DAB1: variants seen among roughly 807,000 people sequenced by gnomAD.
DAB1 encodes the protein disabled homolog 1.
In DAB1, 15 loss-of-function variants were observed where a neutral mutation model predicts 64.6. That is an observed-to-expected ratio of 0.23 (90% CI 0.16 to 0.36). The LOEUF is 0.36. DAB1 is among the 10% of genes least tolerant of loss of function. The probability of loss-of-function intolerance (pLI) is 1.00; values close to 1 mark genes in which losing one functional copy is unlikely to be tolerated. For synonymous variants in DAB1, 235 were observed against 251.9 expected (o/e 0.93, Z 0.64); for missense variants, 596 against 706.7 (o/e 0.84, Z 1.78).
intron 6 of DAB1, among the ~76,000 whole-genome samples, chr1:57,777,774 A>AT (rs1307921940): frequency 6.6e-6 from 1 of 151,756 alleles, no homozygotes; most frequent in Non-Finnish European, 1.5e-5. Flanking sequence ...TACTGACTTA[A>AT]TTTTTTCTGA....
intron 3 of DAB1, among the ~76,000 whole-genome samples, chr1:58,372,071 T>G (rs575845311): frequency 6.4e-4 from 97 of 152,146 alleles, no homozygotes; most frequent in Non-Finnish European, 1.2e-3. Context: ...AGAAGGCCAC[T>G]GTTCTCTGCA....
chr1:57,290,411 T>G (rs865785212), intron 2 of DAB1, among the ~76,000 whole-genome samples: 1 of 152,158 alleles, frequency 6.6e-6, no homozygotes, highest in South Asian at 2.1e-4. Flanking sequence ...AATCTGACAC[T>G]TTGAGATGAG....
chr1:57,767,503 T>C (rs976107833), intron 6 of DAB1, among the ~76,000 whole-genome samples: 2 of 152,174 alleles, frequency 1.3e-5, no homozygotes, highest in African/African-American at 4.8e-5. Flanking sequence ...TCTCACTATG[T>C]CTCTTATCTC....
intron 1 of DAB1, among the ~76,000 whole-genome samples, chr1:57,333,812 A>G (rs545751696): frequency 6.6e-6 from 1 of 152,278 alleles, no homozygotes; most frequent in South Asian, 2.1e-4. Flanking sequence ...TCTTATTATA[A>G]TCTGTGTCTA....
intron 7 of DAB1, among the ~76,000 whole-genome samples, chr1:57,608,397 A>G (rs909118449): frequency 6.6e-6 from 1 of 151,182 alleles, no homozygotes; most frequent in African/African-American, 2.4e-5. Context: ...TTAAAAAAAG[A>G]GAGAGAGAGA....
chr1:57,562,319 G>C (rs1272278458), intron 7 of DAB1, among the ~76,000 whole-genome samples: 2 of 152,244 alleles, frequency 1.3e-5, no homozygotes, highest in African/African-American at 4.8e-5. Context: ...GTTGCAATGA[G>C]CTGAGATCGT....
At chr1:57,142,775 T>C (rs1658738569) in intron 3 of DAB1, among the ~76,000 whole-genome samples, 1 of 152,114 alleles carries the variant, frequency 6.6e-6, no homozygotes, top group Non-Finnish European at 1.5e-5. Flanking sequence ...CAGCTGGCCA[T>C]TGAGGTGCTG....
chr1:57,463,450 C>T (rs909247134), intron 7 of DAB1, among the ~76,000 whole-genome samples: 3 of 152,026 alleles, frequency 2.0e-5, no homozygotes, highest in African/African-American at 7.2e-5. Flanking sequence ...TTTAGCTGTA[C>T]ATTTTGCCAT....
chr1:57,768,141 C>A (rs1228666039), intron 6 of DAB1, among the ~76,000 whole-genome samples: 1 of 140,566 alleles, frequency 7.1e-6, no homozygotes, highest in African/African-American at 2.7e-5. Flanking sequence ...CGAGCCACTG[C>A]ACTCCAGCCT....
chr1:56,997,042 G>T lies in DAB1; in HGVS notation c.*1102C>A, dbSNP rs1645653748. 6.6e-6 allele frequency: 1 copy of T among 151,834 alleles called. No individual in the cohort carries two copies. The highest frequency in any genetic ancestry group is 1.5e-5 in the Non-Finnish European group (1 of 67,976). 9.4% of individuals were successfully genotyped at this position (151,834 alleles called of 1,614,324 possible). ...ATAGAGATGAACCATTTGGACCACA[G>T]AATCAGTTTGTTATTCTGAATATTT... On this transcript the variant is annotated 3_prime_UTR_variant, in exon 15 of 15. Transcript: ENST00000371236.
intron 6 of DAB1, among the ~76,000 whole-genome samples, chr1:57,795,718 T>TATAC (rs1650823576): frequency 1.5e-5 from 2 of 134,924 alleles, no homozygotes; most frequent in South Asian, 4.7e-4. Context: ...TATATATATA[T>TATAC]ATATATATAT....
chr1:57,900,811 T>C (rs1191616158), intron 5 of DAB1, among the ~76,000 whole-genome samples: 2 of 152,172 alleles, frequency 1.3e-5, no homozygotes, highest in Non-Finnish European at 2.9e-5. Flanking sequence ...AGTACATCTC[T>C]ATCCATTTGT....
chr1:57,839,507 A>C (rs1203571960), intron 1 of DAB1, among the ~76,000 whole-genome samples: 1 of 152,346 alleles, frequency 6.6e-6, no homozygotes, highest in South Asian at 2.1e-4. Flanking sequence ...TGGCTAAAAA[A>C]CATTTATTAT....
chr1:57,377,106 C>T (rs1680959733), intron 1 of DAB1, among the ~76,000 whole-genome samples: 1 of 152,014 alleles, frequency 6.6e-6, no homozygotes, highest in Non-Finnish European at 1.5e-5. Context: ...CCCATCTCTA[C>T]TAAAAATACA....
intron 2 of DAB1, among the ~76,000 whole-genome samples, chr1:57,172,671 G>A (rs111370452): frequency 4.5e-4 from 69 of 152,204 alleles, no homozygotes; most frequent in African/African-American, 1.6e-3. Flanking sequence ...GAAAGGAAGC[G>A]ATCAGGATTG....
chr1:57,106,629 G>A (rs1489994622), intron 4 of DAB1, among the ~76,000 whole-genome samples: 1 of 152,078 alleles, frequency 6.6e-6, no homozygotes, highest in Non-Finnish European at 1.5e-5. Context: ...GGCCTTCAAA[G>A]ATTATGAAAA....
intron 5 of DAB1, among the ~76,000 whole-genome samples, chr1:58,007,004 A>G (rs1158006721): frequency 6.6e-6 from 1 of 152,152 alleles, no homozygotes; most frequent in African/African-American, 2.4e-5. Context: ...AACTCATTCT[A>G]CATCTCAGTG....
intron 1 of DAB1, among the ~76,000 whole-genome samples, chr1:57,846,820 T>C (rs1384124187): frequency 2.0e-5 from 3 of 152,198 alleles, no homozygotes; most frequent in African/African-American, 7.2e-5. Flanking sequence ...TGCACGTGCG[T>C]GCACACACAC....
In DAB1 at chr1:57,693,203, G is replaced by A. The variant is rs116576423; in HGVS notation, n.552-43538C>T. 6.1e-3 allele frequency among the ~76,000 whole-genome samples: 925 copies of A among 152,138 alleles called. 10 individuals carry two copies. Among genetic ancestry groups the A allele is most frequent in the African/African-American group, 0.02 (845 of 41,494 alleles). ...ACTACAACTTCAGGGCCCCTTCTTC[G>A]CCCCTACTTAGCAGGAAGTAGCTAG... On this transcript the variant is annotated intron_variant and non_coding_transcript_variant, in intron 6 of 20. Coordinates refer to the DAB1 transcript ENST00000485760.
Sources: gnomAD v4.1 joint callset for allele counts (sites outside exome capture counted in the v4.1 genomes callset) on GRCh38, gnomAD v4.1.1 for gene constraint, MANE v1.5 for transcripts, NCBI Gene and HGNC (gene_info 2026-07-23, HGNC 2026-07-21) for gene names.